B4GALNT2: variants seen among roughly 807,000 people sequenced by gnomAD.
B4GALNT2 encodes beta-1,4-N-acetyl-galactosaminyltransferase 2 (SID blood group).
A neutral mutation model predicts 51.1 loss-of-function variants in B4GALNT2; 42 were observed. The ratio of observed to expected loss-of-function variants is 0.82; its 90% CI spans 0.64 to 1.06. The LOEUF (loss-of-function observed/expected upper bound fraction) is 1.06. B4GALNT2 is among the 50% of genes least tolerant of loss of function. The pLI is 0.00. For synonymous variants in B4GALNT2, 253 were observed against 251.7 expected (o/e 1.01, Z -0.05); for missense variants, 602 against 633.6 (o/e 0.95, Z 0.54).
intron 1 of B4GALNT2, among the ~76,000 whole-genome samples, chr17:49,137,862 C>A (rs751101702): frequency 9.3e-5 from 14 of 150,978 alleles, no homozygotes; most frequent in Non-Finnish European, 1.3e-4. Flanking sequence ...AAATCCATAA[C>A]AGCACAAGAT....
chr17:49,144,814 A>G (rs2042677882), intron 3 of B4GALNT2, among the ~76,000 whole-genome samples: 1 of 152,150 alleles, frequency 6.6e-6, no homozygotes, highest in Non-Finnish European at 1.5e-5. Flanking sequence ...ATTAAGTATT[A>G]ACTTACATGA....
At position 49,159,066 on chromosome 17, in the gene B4GALNT2, G is replaced by A; in HGVS notation, c.528G>A (p.Leu176=). Reference sequence around the variant, plus strand: ...CCCTGACAGCTTCTCTGGGGACACTGAACACCCTTGCTGATGTCCCAGACA... The same window carrying A: ...CCCTGACAGCTTCTCTGGGGACACTAAACACCCTTGCTGATGTCCCAGACA... The part of the protein sequence containing the change: ...EVTLTASLGT[L]NTLADVPDSV... The change falls in exon 6 of 11, where the codon CTG becomes CTA. Residue 176 remains leucine, a synonymous_variant. Transcript: ENST00000393354. The A allele has an allele frequency of 1.9e-6, 3 of 1,614,182 alleles. No individual in the cohort carries two copies. In the South Asian group the frequency reaches 3.3e-5, roughly 18 times the overall value.
chr17:49,136,340 A>T (rs1247330541), intron 1 of B4GALNT2, among the ~76,000 whole-genome samples: 3 of 151,792 alleles, frequency 2.0e-5, no homozygotes, highest in Non-Finnish European at 4.4e-5. Context: ...CTATAGAAAC[A>T]TGTTCATTTA....
chr17:49,125,769 C>A, the B4GALNT2 span, among the ~76,000 whole-genome samples: 1 of 92,218 alleles, frequency 1.1e-5, no homozygotes. Flanking sequence ...GCCCCCCGCC[C>A]GTCCGGCCGC....
At chr17:49,167,493 T>C (rs971122909) in intron 9 of B4GALNT2, among the ~76,000 whole-genome samples, 1 of 152,146 alleles carries the variant, frequency 6.6e-6, no homozygotes, top group Non-Finnish European at 1.5e-5. Context: ...GGGGCCCAAG[T>C]GCAGATAGCT....
Position 49,172,816 on chromosome 17 carries a change from AAAGT to A in B4GALNT2, c.*3089_*3092del, listed in dbSNP as rs1419166068. ...CTCCTGATTGGCATGTAGCCCAGAC[AAAGT>A]GAGAAAAGGTGTCCACACATACATG... On this transcript the variant is annotated 3_prime_UTR_variant, in exon 11 of 11. Coordinates refer to ENST00000393354, the MANE Select transcript of B4GALNT2 (RefSeq NM_001159387.2). 4.6e-5 allele frequency: 7 copies of A among 152,182 alleles called. No individual in the cohort carries two copies. Among genetic ancestry groups the A allele is most frequent in the African/African-American group, 1.7e-4 (7 of 41,426 alleles). 9.4% of individuals were successfully genotyped at this position (152,182 alleles called of 1,614,324 possible).
intron 3 of B4GALNT2, among the ~76,000 whole-genome samples, 157 bp downstream of exon 3, chr17:49,142,329 G>A (rs1005493995): frequency 3.3e-5 from 5 of 152,104 alleles, no homozygotes; most frequent in African/African-American, 4.8e-5. Context: ...AGAAGGAATC[G>A]AGGAAATCAT....
chr17:49,167,757 A>G (rs2042924098), intron 9 of B4GALNT2, among the ~76,000 whole-genome samples: 1 of 152,004 alleles, frequency 6.6e-6, no homozygotes, highest in Non-Finnish European at 1.5e-5. Context: ...CCATAGGCAC[A>G]TGCCACCATG....
upstream of B4GALNT2, chr17:49,132,522 G>A: frequency 5.1e-6 from 2 of 392,298 alleles, no homozygotes; most frequent in Non-Finnish European, 4.5e-6. Context: ...TAGGGACCGT[G>A]GTGATAGACT....
At chr17:49,132,930 C>T in intron 1 of B4GALNT2, 124 bp downstream of exon 1, 1 of 1,378,640 alleles carries the variant, frequency 7.3e-7, no homozygotes, top group Non-Finnish European at 9.4e-7. Flanking sequence ...AGCCAGGGAG[C>T]GGGCGGTTGG....
intron 7 of B4GALNT2, among the ~76,000 whole-genome samples, chr17:49,161,378 A>G (rs773386434): frequency 6.6e-6 from 1 of 151,876 alleles, no homozygotes; most frequent in African/African-American, 2.4e-5. Context: ...TGGTGTAGCT[A>G]TATGAAAGAT....
rs1310341031 is a variant in B4GALNT2, at chr17:49,150,156, G to A, written c.354-2644G>A. 5.4e-5 allele frequency among the ~76,000 whole-genome samples: 8 copies of A among 147,924 alleles called. 1 individual carries two copies. The highest frequency in any genetic ancestry group is 9.0e-5 in the Non-Finnish European group (6 of 66,370). On this transcript the variant is annotated intron_variant, in intron 3 of 10. Transcript: ENST00000393354. ...CCGGCCGCCCCTACTGGGAAGTGAG[G>A]AGCCCCTCTGTCCGGCCAGCCGCCC...
At chr17:49,133,625 A>G (rs759096349) in intron 1 of B4GALNT2, among the ~76,000 whole-genome samples, 30 of 152,102 alleles carry the variant, frequency 2.0e-4, no homozygotes, top group African/African-American at 6.5e-4. Flanking sequence ...GAAAAAGAAC[A>G]CGTTTGGCCG....
In B4GALNT2 at chr17:49,156,591, C is replaced by A. The variant is rs762075860; in HGVS notation, c.486C>A (p.Ala162=). The change falls in exon 5 of 11, where the codon GCC becomes GCA. Residue 162 remains alanine, a synonymous_variant. Transcript: ENST00000393354. ...IPGLQFEGPD[A]PVYEVTLTAS... Reference sequence around the variant, plus strand: ...GCCTCCAGTTTGAAGGACCCGATGCCCCCGTCTATGAGGTGAGTCCTTCTC... The same window carrying A: ...GCCTCCAGTTTGAAGGACCCGATGCACCCGTCTATGAGGTGAGTCCTTCTC... The A allele has an allele frequency of 1.9e-6, 3 of 1,613,648 alleles. No individual in the cohort carries two copies. The African/African-American group carries it at 4.0e-5, about 22-fold the overall frequency.
At chr17:49,145,893 CA>C (rs1212179986) in intron 3 of B4GALNT2, among the ~76,000 whole-genome samples, 8 of 152,136 alleles carry the variant, frequency 5.3e-5, no homozygotes, top group Non-Finnish European at 7.4e-5. Flanking sequence ...GTCCAGGTGG[CA>C]ATATTAACTT....
chr17:49,132,094 A>T (rs2042543538), upstream of B4GALNT2, among the ~76,000 whole-genome samples: 1 of 152,150 alleles, frequency 6.6e-6, no homozygotes, highest in Non-Finnish European at 1.5e-5. Flanking sequence ...AGCTATGATT[A>T]CACTATTGCA....
At chr17:49,142,872 T>C (rs1346650108) in intron 3 of B4GALNT2, among the ~76,000 whole-genome samples, 1 of 152,190 alleles carries the variant, frequency 6.6e-6, no homozygotes, top group Non-Finnish European at 1.5e-5. Flanking sequence ...TACCCTGTGC[T>C]ATATGCAAGG....
intron 8 of B4GALNT2, among the ~76,000 whole-genome samples, chr17:49,165,904 T>C (rs565755342): frequency 6.6e-6 from 1 of 152,254 alleles, no homozygotes; most frequent in East Asian, 1.9e-4. Flanking sequence ...ATCCACACAG[T>C]CACTGTCCCT....
At chr17:49,123,067 C>T in the B4GALNT2 span, among the ~76,000 whole-genome samples, 2 of 152,172 alleles carry the variant, frequency 1.3e-5, no homozygotes, top group Non-Finnish European at 2.9e-5. Context: ...TATTTCTTTA[C>T]ATTGATATTT....
Sources: allele counts gnomAD v4.1 joint callset (sites outside exome capture counted in the v4.1 genomes callset), GRCh38; gene constraint gnomAD v4.1.1; transcripts MANE v1.5; gene names NCBI Gene and HGNC (gene_info 2026-07-23, HGNC 2026-07-21).